The following FRMPD3 variants were observed in gnomAD, a reference collection of about 807,000 sequenced individuals.
FRMPD3 encodes the protein FERM and PDZ domain containing 3.
Under a neutral mutation model 97.9 loss-of-function variants are expected in FRMPD3, and 42 were observed. That is an observed-to-expected ratio of 0.43 (90% CI 0.34 to 0.55). The LOEUF is 0.55. Among genes scored for constraint, FRMPD3 ranks in the 20% least tolerant of loss-of-function variants. The pLI, the probability that FRMPD3 is intolerant of heterozygous loss-of-function variation, is 0.03. For synonymous variants in FRMPD3, 577 were observed against 581.1 expected (o/e 0.99, Z 0.10); for missense variants, 1,303 against 1,457.7 (o/e 0.89, Z 1.73).
intron 1 of FRMPD3, among the ~76,000 whole-genome samples, chrX:107,517,376 G>A (rs750033073): frequency 9.8e-5 from 11 of 111,889 alleles, no homozygotes; most frequent in African/African-American, 3.3e-4. Context: ...GGATGAGGTC[G>A]TCAGCTGAGA....
In FRMPD3 at chrX:107,572,905, C is replaced by CTAATAA. The variant is rs1178379970; in HGVS notation, c.1297-3408_1297-3407insATAATA. ...ACTACTACTACTACTACTACTACTA[C>CTAATAA]TACTAATAATAATAATAATAATAAA... On this transcript the variant is annotated intron_variant, in intron 12 of 14. Transcript: ENST00000683843. 5.8e-3 allele frequency among the ~76,000 whole-genome samples: 592 copies of CTAATAA among 101,596 alleles called. 2 individuals are homozygous for CTAATAA. Among genetic ancestry groups the CTAATAA allele is most frequent in the Non-Finnish European group, 8.9e-3 (457 of 51,287 alleles). The allele number at this position is 101,596 out of a possible 115,157, so 88.2% of individuals were successfully genotyped here.
At chrX:107,536,496 G>A (rs1349026285) in intron 4 of FRMPD3, among the ~76,000 whole-genome samples, 1 of 112,011 alleles carries the variant, frequency 8.9e-6, no homozygotes, top group Admixed American at 9.5e-5. Context: ...TCAATATTTT[G>A]TTCCGTTTTA....
chrX:107,590,173 A>G (rs1222868670), intron 13 of FRMPD3, among the ~76,000 whole-genome samples: 2 of 112,178 alleles, frequency 1.8e-5, no homozygotes, highest in Non-Finnish European at 3.8e-5. Flanking sequence ...AAATACAAAA[A>G]AAACTGATTT....
At chrX:107,480,048 A>G (rs187308661) in intron 1 of FRMPD3, among the ~76,000 whole-genome samples, 1 of 110,413 alleles carries the variant, frequency 9.1e-6, no homozygotes, top group Admixed American at 9.6e-5. Flanking sequence ...AAAAAAAAAA[A>G]AAAACCATGA....
intron 3 of FRMPD3, among the ~76,000 whole-genome samples, chrX:107,532,358 CAG>C (rs1923005311): frequency 2.7e-5 from 3 of 112,108 alleles, no homozygotes; most frequent in South Asian, 7.4e-4. Context: ...GATTGTGGAA[CAG>C]GGGAGAAGCC....
chrX:107,476,002 G>A (rs1346327540), intron 1 of FRMPD3, among the ~76,000 whole-genome samples: 1 of 112,219 alleles, frequency 8.9e-6, no homozygotes, highest in Non-Finnish European at 1.9e-5. Flanking sequence ...TCCTGCCTCA[G>A]CCTCCCGAGT....
chrX:107,588,067 G>A (rs1923738484), intron 13 of FRMPD3, among the ~76,000 whole-genome samples: 1 of 111,132 alleles, frequency 9.0e-6, no homozygotes, highest in Non-Finnish European at 1.9e-5. Flanking sequence ...GAGCCGCAAC[G>A]CCCAGCCTGG....
At chrX:107,464,912 T>C (rs1416981344) in intron 1 of FRMPD3, among the ~76,000 whole-genome samples, 1 of 111,439 alleles carries the variant, frequency 9.0e-6, no homozygotes, top group Non-Finnish European at 1.9e-5. Flanking sequence ...TGTGACTGAG[T>C]ACAGCCCTCA....
chrX:107,489,501 T>C (rs1921599707), intron 1 of FRMPD3, among the ~76,000 whole-genome samples: 1 of 111,589 alleles, frequency 9.0e-6, no homozygotes, highest in African/African-American at 3.3e-5. Context: ...GCACCTGTTG[T>C]TTCCTGACTT....
intron 1 of FRMPD3, among the ~76,000 whole-genome samples, chrX:107,457,434 C>T (rs1385525572): frequency 8.9e-6 from 1 of 111,759 alleles, no homozygotes; most frequent in African/African-American, 3.3e-5. Flanking sequence ...ATCTCCCTTG[C>T]AGATGAGCCT....
chrX:107,476,044 T>C (rs1432688175), intron 1 of FRMPD3, among the ~76,000 whole-genome samples: 4 of 111,422 alleles, frequency 3.6e-5, no homozygotes, highest in Non-Finnish European at 7.5e-5. Context: ...CCACCAGGCC[T>C]GGCTAATTTT....
chrX:107,557,991 G>T (rs1922184031), intron 8 of FRMPD3, among the ~76,000 whole-genome samples: 1 of 105,436 alleles, frequency 9.5e-6, no homozygotes, highest in Non-Finnish European at 1.9e-5. Context: ...AAGTTGGTTT[G>T]GCTATTATAG....
chrX:107,480,821 C>G (rs55751752), intron 1 of FRMPD3, among the ~76,000 whole-genome samples: 97 of 76,445 alleles, frequency 1.3e-3, no homozygotes, highest in Non-Finnish European at 2.2e-3. Context: ...AGTGAAACTC[C>G]GTCAAAAAAA....
chrX:107,602,272 T>A lies in FRMPD3; in HGVS notation c.4233T>A (p.Asp1411Glu). 11 of 1,209,089 alleles carry A rather than the reference T, an allele frequency of 9.1e-6. 1 individual carries two copies. Among genetic ancestry groups the A allele is most frequent in the Non-Finnish European group, 1.2e-5 (11 of 894,485 alleles). ...DQGDRASLTS[D>E]VYPHPPLGML... is the part of the protein sequence containing the mutation. ...GTGACAGGGCCTCGCTGACCTCGGA[T>A]GTCTACCCACATCCTCCCCTGGGCA... The change falls in exon 15 of 15, where the codon GAT (aspartate) becomes GAA (glutamate). Residue 1411 changes from aspartate (D) to glutamate (E), a missense_variant. Physicochemically the swap from Asp to Glu is conservative, Grantham distance 45. This residue lies in a region of FRMPD3 where 764 missense variants were observed against 820.2 expected (regional missense o/e 0.93). Transcript: ENST00000683843.
chrX:107,598,530 C>T (rs890308061), intron 14 of FRMPD3, among the ~76,000 whole-genome samples: 1 of 112,025 alleles, frequency 8.9e-6, no homozygotes, highest in East Asian at 2.8e-4. Context: ...GACCAACTCA[C>T]TACCTAGTGA....
chrX:107,592,700 T>C (rs1923961818), intron 13 of FRMPD3, among the ~76,000 whole-genome samples: 1 of 108,469 alleles, frequency 9.2e-6, no homozygotes, highest in Non-Finnish European at 1.9e-5. Flanking sequence ...GTGGTTGTAC[T>C]AGTTTACATT....
intron 1 of FRMPD3, among the ~76,000 whole-genome samples, chrX:107,497,990 T>C (rs1453216043): frequency 9.0e-6 from 1 of 111,575 alleles, no homozygotes; most frequent in Non-Finnish European, 1.9e-5. Flanking sequence ...TGCTCCCCGA[T>C]CTTACCTGGC....
chrX:107,554,217 A>G (rs1264054445), intron 7 of FRMPD3, among the ~76,000 whole-genome samples, 168 bp from the exon 8 acceptor site: 5 of 111,186 alleles, frequency 4.5e-5, no homozygotes, highest in Non-Finnish European at 9.4e-5. Context: ...ACTCCTCACT[A>G]CTTTCCTCTG....
At chrX:107,523,259 C>G (rs1220380256) in intron 1 of FRMPD3, among the ~76,000 whole-genome samples, 3 of 111,835 alleles carry the variant, frequency 2.7e-5, no homozygotes, top group Admixed American at 9.5e-5. Context: ...CCCAAGATAC[C>G]TGGGAGTGGT....
Sources: allele counts gnomAD v4.1 joint callset (sites outside exome capture counted in the v4.1 genomes callset), GRCh38; gene constraint gnomAD v4.1.1; regional missense constraint gnomAD v4.1.1; transcripts MANE v1.5; gene names NCBI Gene and HGNC (gene_info 2026-07-23, HGNC 2026-07-21).